The following MACROD2 variants were observed in gnomAD, a reference collection of about 807,000 sequenced individuals.
The protein encoded by MACROD2 is ADP-ribose glycohydrolase MACROD2.
MACROD2 carries 36 observed loss-of-function variants against 70.4 expected under a neutral mutation model. The observed-to-expected ratio is 0.51, with a 90% CI of 0.39 to 0.68. The LOEUF is 0.68. Among genes scored for constraint, MACROD2 ranks in the 30% least tolerant of loss-of-function variants. The pLI, the probability that MACROD2 is intolerant of heterozygous loss-of-function variation, is 0.00. For missense variants in MACROD2, 496 were observed against 538.4 expected (o/e 0.92, Z 0.78); for synonymous variants, 172 against 178.8 (o/e 0.96, Z 0.30).
intron 8 of MACROD2, among the ~76,000 whole-genome samples, chr20:15,800,853 C>A (rs1450325671): frequency 1.3e-5 from 2 of 151,944 alleles, no homozygotes; most frequent in Non-Finnish European, 2.9e-5. Context: ...AAGAAAAATT[C>A]TTCTGCCTTG....
At chr20:16,048,946 T>C (rs1218205678) in intron 17 of MACROD2, among the ~76,000 whole-genome samples, 2 of 152,126 alleles carry the variant, frequency 1.3e-5, no homozygotes, top group African/African-American at 4.8e-5. Flanking sequence ...AAGTGACATA[T>C]ACATACATGG....
At chr20:14,213,542 C>T (rs1038269069) in intron 3 of MACROD2, among the ~76,000 whole-genome samples, 9 of 151,520 alleles carry the variant, frequency 5.9e-5, no homozygotes, top group African/African-American at 2.2e-4. Flanking sequence ...GCATAGCAAG[C>T]AACCTTGTTG....
chr20:15,439,371 TTTG>T (rs754284283), intron 7 of MACROD2, among the ~76,000 whole-genome samples: 32 of 152,194 alleles, frequency 2.1e-4, no homozygotes, highest in Non-Finnish European at 4.1e-4. Context: ...TCAAATGGAT[TTTG>T]TTATTTAATC....
chr20:14,547,243 C>T (rs1568664302), intron 4 of MACROD2: 1 of 587,758 alleles, frequency 1.7e-6, no homozygotes, highest in Non-Finnish European at 2.4e-6. Flanking sequence ...GCAGGAGGGA[C>T]ACGTGAAGGA....
chr20:15,311,412 A>G (rs981552424), intron 6 of MACROD2, among the ~76,000 whole-genome samples: 5 of 152,194 alleles, frequency 3.3e-5, no homozygotes, highest in African/African-American at 1.2e-4. Flanking sequence ...CTACCATTTG[A>G]CCCAGCAATT....
chr20:14,983,024 G>A (rs2074815786), intron 5 of MACROD2, among the ~76,000 whole-genome samples: 1 of 152,196 alleles, frequency 6.6e-6, no homozygotes, highest in African/African-American at 2.4e-5. Flanking sequence ...AGCTACCCCA[G>A]ACTATGGGAA....
At chr20:15,672,105 A>G (rs2049987885) in intron 8 of MACROD2, among the ~76,000 whole-genome samples, 3 of 152,204 alleles carry the variant, frequency 2.0e-5, no homozygotes, top group South Asian at 4.1e-4. Context: ...AGTAAGGTTT[A>G]CACTGGCGAC....
chr20:14,195,129 G>A (rs1337899674), intron 3 of MACROD2, among the ~76,000 whole-genome samples: 10 of 152,112 alleles, frequency 6.6e-5, no homozygotes, highest in East Asian at 1.9e-4. Context: ...CTATTAATAG[G>A]AAATATGCAT....
At chr20:15,745,097 T>G (rs1194933195) in intron 8 of MACROD2, among the ~76,000 whole-genome samples, 1 of 152,250 alleles carries the variant, frequency 6.6e-6, no homozygotes, top group Non-Finnish European at 1.5e-5. Flanking sequence ...TGTTGTATAA[T>G]TTTCCACTGT....
chr20:14,010,077 GTTTA>G (rs1352511169), intron 2 of MACROD2, among the ~76,000 whole-genome samples: 1 of 152,024 alleles, frequency 6.6e-6, no homozygotes, highest in East Asian at 1.9e-4. Context: ...TACGGCACAC[GTTTA>G]TTTGTCTAAC....
At chr20:15,442,049 T>G (rs934859105) in intron 7 of MACROD2, among the ~76,000 whole-genome samples, 3 of 152,158 alleles carry the variant, frequency 2.0e-5, no homozygotes, top group Admixed American at 2.0e-4. Flanking sequence ...TCTACGTCCT[T>G]GCTTGTTTTT....
rs11482233 is a variant in MACROD2, at chr20:15,055,797, C to CTTT, written c.419-174129_419-174127dup. 7.6e-4 allele frequency among the ~76,000 whole-genome samples: 104 copies of CTTT among 136,790 alleles called. 1 individual carries two copies. The highest frequency in any genetic ancestry group is 2.6e-3 in the African/African-American group (98 of 37,310). The allele number at this position is 136,790 out of a possible 152,430, so 89.7% of individuals were successfully genotyped here. Reference sequence around the variant, plus strand: ...TGGGTGGAGGGACAGAAAGCAACATCTTTTTTTTTTTTTTTTGAGATGGAG... The same window carrying CTTT: ...TGGGTGGAGGGACAGAAAGCAACATCTTTTTTTTTTTTTTTTTTTGAGATGGAG... On this transcript the variant is annotated intron_variant, in intron 5 of 17. Transcript: ENST00000684519.
rs201525270 is a variant in MACROD2, at chr20:15,637,606, T to A, written c.645+137759T>A. Among the ~76,000 whole-genome samples, 7 of 152,308 alleles carry A rather than the reference T, an allele frequency of 4.6e-5. No homozygotes were observed. The East Asian group carries it at 1.3e-3, about 29-fold the overall frequency. On this transcript the variant is annotated intron_variant, in intron 8 of 17. Transcript: ENST00000684519. ...AGTAGCTGCTCTATTTTTGAGAACA[T>A]GCACATAAGACAGGCCCACAACATT...
chr20:15,964,185 A>T (rs1243818526), intron 12 of MACROD2, among the ~76,000 whole-genome samples: 2 of 152,244 alleles, frequency 1.3e-5, no homozygotes, highest in African/African-American at 4.8e-5. Flanking sequence ...TATAGAACTT[A>T]CATGGAAATA....
At chr20:15,499,703 C>T in intron 7 of MACROD2, 71 bp from the exon 8 acceptor site, 2 of 1,374,574 alleles carry the variant, frequency 1.5e-6, no homozygotes, top group South Asian at 2.3e-5. Flanking sequence ...ACTCCAGTAT[C>T]ATAGCGTGAT....
intron 15 of MACROD2, among the ~76,000 whole-genome samples, chr20:16,015,306 T>C (rs565099751): frequency 1.6e-4 from 24 of 152,276 alleles, no homozygotes; most frequent in African/African-American, 5.3e-4. Flanking sequence ...TCCTGAGTAG[T>C]GTAATTTTTT....
chr20:15,734,669 C>T (rs1283339295), intron 8 of MACROD2, among the ~76,000 whole-genome samples: 1 of 152,132 alleles, frequency 6.6e-6, no homozygotes, highest in East Asian at 1.9e-4. Flanking sequence ...AACAAGATGC[C>T]TTTTACCTAT....
intron 6 of MACROD2, among the ~76,000 whole-genome samples, chr20:15,265,794 G>GA (rs943041633): frequency 6.6e-6 from 1 of 151,252 alleles, no homozygotes; most frequent in Admixed American, 6.6e-5. Flanking sequence ...TTAACCAAAA[G>GA]AAAAAAAAAG....
chr20:14,615,692 A>G (rs1983439175), intron 4 of MACROD2, among the ~76,000 whole-genome samples: 1 of 152,142 alleles, frequency 6.6e-6, no homozygotes, highest in African/African-American at 2.4e-5. Context: ...AATATGTGCC[A>G]GTGTGTATTA....
Sources: gnomAD v4.1 joint callset for allele counts (sites outside exome capture counted in the v4.1 genomes callset) on GRCh38, gnomAD v4.1.1 for gene constraint, MANE v1.5 for transcripts, NCBI Gene and HGNC (gene_info 2026-07-23, HGNC 2026-07-21) for gene names.